ADAM21: variants seen among roughly 807,000 people sequenced by gnomAD.
ADAM21 encodes disintegrin and metalloproteinase domain-containing protein 21.
For missense variants in ADAM21, 678 were observed against 874.4 expected (o/e 0.78, Z 2.83); for synonymous variants, 262 against 306.0 (o/e 0.86, Z 1.50).
intron 1 of ADAM21, chr14:70,453,568 A>C (rs1456377416): frequency 6.6e-6 from 1 of 152,172 alleles, no homozygotes; most frequent in Non-Finnish European, 1.5e-5. Context: ...TTCTCCTGTT[A>C]TTGCCTGCTC....
Position 70,458,763 on chromosome 14 carries a change from T to C in ADAM21, c.1264T>C (p.Cys422Arg). The change falls in exon 2 of 2, where the codon TGT becomes CGT. Residue 422 changes from cysteine (C) to arginine (R), a missense_variant. Coordinates refer to ENST00000603540, the MANE Select transcript of ADAM21 (RefSeq NM_003813.4). ...GGTTGAAAGAGAAGAGCAGTGTGACTGTGGATCCGTACAGCAGTGTGAACA... is the reference window on the plus strand; with the variant it reads ...GGTTGAAAGAGAAGAGCAGTGTGACCGTGGATCCGTACAGCAGTGTGAACA... Reference protein sequence around the residue: ...GVVEREEQCDCGSVQQCEQDA... With the variant: ...GVVEREEQCDRGSVQQCEQDA... 6.2e-7 allele frequency: 1 copy of C among 1,614,176 alleles called. No individual in the cohort carries two copies. The highest frequency in any genetic ancestry group is 8.5e-7 in the Non-Finnish European group (1 of 1,180,028).
At chr14:70,456,637 T>C (rs576209323) in intron 1 of ADAM21, among the ~76,000 whole-genome samples, 18 of 152,340 alleles carry the variant, frequency 1.2e-4, no homozygotes, top group Admixed American at 6.5e-4. Flanking sequence ...CCTTAAATGA[T>C]GTCAGTGTTT....
intron 1 of ADAM21, among the ~76,000 whole-genome samples, chr14:70,455,731 A>C (rs568419879): frequency 5.3e-5 from 8 of 152,288 alleles, no homozygotes; most frequent in African/African-American, 1.9e-4. Flanking sequence ...GTTTAATAAA[A>C]ATTCATTTTG....
At chr14:70,456,467 A>G (rs1882411057) in intron 1 of ADAM21, among the ~76,000 whole-genome samples, 1 of 152,190 alleles carries the variant, frequency 6.6e-6, no homozygotes, top group Admixed American at 6.5e-5. Flanking sequence ...ATCCTAAAAT[A>G]CTAGACTCTA....
chr14:70,458,415 A>C lies in ADAM21; in HGVS notation c.916A>C (p.Ile306Leu). Residue 306 changes from isoleucine (I) to leucine (L), a missense_variant, in exon 2 of 2, where the codon ATA becomes CTA. By Grantham distance (5) the Ile-to-Leu change is conservative. Coordinates refer to ENST00000603540, the MANE Select transcript of ADAM21 (RefSeq NM_003813.4). ...HMFIKNSLIS[I>L]LGLAYVAGIC... ...GTTCATAAAAAATTCACTTATAAGT[A>C]TACTTGGCCTAGCCTATGTTGCAGG... 1.9e-6 allele frequency: 3 copies of C among 1,614,218 alleles called. No individual in the cohort carries two copies. Among genetic ancestry groups the C allele is most frequent in the Non-Finnish European group, 2.5e-6 (3 of 1,180,042 alleles).
In ADAM21 at chr14:70,459,500, TGGG is replaced by T. The variant is rs771793133; in HGVS notation, c.2004_2006del (p.Gly669del). The T allele has an allele frequency of 4.3e-6, 7 of 1,614,192 alleles. No individual in the cohort carries two copies. The highest frequency in any genetic ancestry group is 5.1e-6 in the Non-Finnish European group (6 of 1,180,032). ...CACCCTACTGCCAGCACAGAGGCTA[TGGG>T]GGCAGTATTGACAGTGGCCCAGCAT... On this transcript the variant is annotated inframe_deletion, in exon 2 of 2. Coordinates refer to ENST00000603540, the MANE Select transcript of ADAM21 (RefSeq NM_003813.4).
chr14:70,453,033 G>A (rs1889059967), intron 1 of ADAM21, among the ~76,000 whole-genome samples: 1 of 97,762 alleles, frequency 1.0e-5, no homozygotes, highest in Non-Finnish European at 2.3e-5. Flanking sequence ...CTTTGAATTT[G>A]GCGTGTGTGT....
At position 70,459,347 on chromosome 14, in the gene ADAM21, A is replaced by G. The variant is rs1406149870; in HGVS notation, c.1848A>G (p.Gly616=). 1.2e-6 allele frequency: 2 copies of G among 1,614,100 alleles called. No homozygotes were observed. The highest frequency in any genetic ancestry group is 3.3e-5 in the Admixed American group (2 of 60,002). ...EVKDGTVCGP[G]KICIHKKCVS... The stretch of plus-strand genomic sequence containing the variant: ...AAGATGGTACTGTGTGTGGCCCAGG[A>G]AAGATCTGCATCCATAAGAAGTGTG... Residue 616 remains glycine (G), a synonymous_variant, in exon 2 of 2, where the codon GGA becomes GGG. Transcript: ENST00000603540.
Position 70,457,334 on chromosome 14 carries a change from T to C in ADAM21, c.-151-15T>C. On this transcript the variant is annotated splice_polypyrimidine_tract_variant and intron_variant, in intron 1 of 1. Coordinates refer to ENST00000603540, the MANE Select transcript of ADAM21 (RefSeq NM_003813.4). ...TTATCACCTTTCCAACCCATCTTTTTATTTTTACTTCCAGCACTGCAGTTC... is the reference window on the plus strand; with the variant it reads ...TTATCACCTTTCCAACCCATCTTTTCATTTTTACTTCCAGCACTGCAGTTC... 9.8e-7 allele frequency: 1 copy of C among 1,018,308 alleles called. No individual in the cohort carries two copies. Among genetic ancestry groups the C allele is most frequent in the Admixed American group, 2.4e-5 (1 of 40,960 alleles). 63.1% of individuals were successfully genotyped at this position (1,018,308 alleles called of 1,614,324 possible).
In ADAM21 at chr14:70,458,318, A is replaced by G. The variant is rs200940423; in HGVS notation, c.819A>G (p.Glu273=). Residue 273 remains glutamate (E), a synonymous_variant, in exon 2 of 2, where the codon GAA becomes GAG. Coordinates refer to ENST00000603540, the MANE Select transcript of ADAM21 (RefSeq NM_003813.4). ...ATGTTTTCCCAATGACAAGCATAGA[A>G]CAGGTCCTGAACGATTTCTCTCAAT... ...QGNVFPMTSI[E]QVLNDFSQWK... is the part of the protein sequence containing the mutation. 1.3e-4 allele frequency: 213 copies of G among 1,614,164 alleles called. No individual in the cohort carries two copies. In the East Asian group the frequency reaches 3.6e-3, roughly 27 times the overall value.
Position 70,459,617 on chromosome 14 carries a change from T to C in ADAM21, c.2118T>C (p.Tyr706=), listed in dbSNP as rs1882495508. The C allele has an allele frequency of 6.2e-7, 1 of 1,614,078 alleles. No individual in the cohort carries two copies. The highest frequency in any genetic ancestry group is 1.7e-5 in the Admixed American group (1 of 60,002). The part of the protein sequence containing the change: ...TFLFTVGLLM[Y]LRQCSGPKET... The stretch of plus-strand genomic sequence containing the variant: ...TGTTTACTGTCGGGCTTCTTATGTA[T>C]CTACGACAATGTTCTGGTCCCAAAG... The change falls in exon 2 of 2, where the codon TAT becomes TAC. Residue 706 remains tyrosine, a synonymous_variant. Transcript: ENST00000603540.
chr14:70,453,607 T>A (rs1020312301), intron 1 of ADAM21: 2 of 152,188 alleles, frequency 1.3e-5, no homozygotes, highest in Non-Finnish European at 2.9e-5. Flanking sequence ...AAAAGAATAA[T>A]ATGACACAGG....
Position 70,458,816 on chromosome 14 carries a change from T to C in ADAM21, c.1317T>C (p.Thr439=). 5 of 1,614,220 alleles carry C rather than the reference T, an allele frequency of 3.1e-6. No individual in the cohort carries two copies. Among genetic ancestry groups the C allele is most frequent in the East Asian group, 2.2e-5 (1 of 44,884 alleles). Residue 439 remains threonine, a synonymous_variant, in exon 2 of 2, where the codon ACT becomes ACC. Coordinates refer to ENST00000603540, the MANE Select transcript of ADAM21 (RefSeq NM_003813.4). The part of the protein sequence containing the change: ...EQDACCLLNC[T]LRPGAACAFG... The stretch of plus-strand genomic sequence containing the variant: ...ACGCCTGTTGTCTGTTGAACTGCAC[T>C]CTAAGGCCTGGGGCTGCCTGTGCTT...
chr14:70,459,364 A>G lies in ADAM21; in HGVS notation c.1865A>G (p.Lys622Arg). 6.2e-7 allele frequency: 1 copy of G among 1,614,226 alleles called. No individual in the cohort carries two copies. The highest frequency in any genetic ancestry group is 8.5e-7 in the Non-Finnish European group (1 of 1,180,036). Reference protein sequence around the residue: ...VCGPGKICIHKKCVSLSVLSH... With the variant: ...VCGPGKICIHRKCVSLSVLSH... ...GGCCCAGGAAAGATCTGCATCCATAAGAAGTGTGTCAGTCTGTCTGTCTTG... is the reference window on the plus strand; with the variant it reads ...GGCCCAGGAAAGATCTGCATCCATAGGAAGTGTGTCAGTCTGTCTGTCTTG... Residue 622 changes from lysine to arginine, a missense_variant, in exon 2 of 2, where the codon AAG becomes AGG. Transcript: ENST00000603540.
chr14:70,459,331 CTG>C lies in ADAM21; in HGVS notation c.1839_1840del (p.Cys613TrpfsTer9). ...GACATTGGTGAAGTGAAAGATGGTA[CTG>C]TGTGTGGCCCAGGAAAGATCTGCAT... is the stretch of plus-strand genomic sequence containing the variant. On this transcript the variant is annotated frameshift_variant, in exon 2 of 2. Transcript: ENST00000603540. LOFTEE classifies it low-confidence loss of function (END_TRUNC). 1 of 1,614,164 alleles carries C rather than the reference CTG, an allele frequency of 6.2e-7. No homozygotes were observed. The highest frequency in any genetic ancestry group is 1.7e-5 in the Admixed American group (1 of 60,018).
intron 1 of ADAM21, among the ~76,000 whole-genome samples, chr14:70,452,677 T>A (rs73291970): frequency 1.2e-3 from 178 of 152,314 alleles, no homozygotes; most frequent in African/African-American, 4.2e-3. Context: ...GTTTTCATTT[T>A]TAAAGATATG....
chr14:70,454,795 G>C (rs1889083515), intron 1 of ADAM21, among the ~76,000 whole-genome samples: 1 of 152,142 alleles, frequency 6.6e-6, no homozygotes, highest in Non-Finnish European at 1.5e-5. Context: ...TTAAGTTGAG[G>C]GTAGGAATTT....
rs949349889 is a variant in ADAM21, at chr14:70,457,928, T to C, written c.429T>C (p.Tyr143=). The C allele has an allele frequency of 3.7e-6, 6 of 1,614,044 alleles. No individual in the cohort carries two copies. The highest frequency in any genetic ancestry group is 3.3e-5 in the Admixed American group (2 of 60,008). ...TATTAAAAATAAGTGGCCTCACTTA[T>C]GAAATTGAACCCATCAGGCACTCTG... is the stretch of plus-strand genomic sequence containing the variant. The part of the protein sequence containing the change: ...RGVLKISGLT[Y]EIEPIRHSAT... Residue 143 remains tyrosine (Y), a synonymous_variant, in exon 2 of 2, where the codon TAT becomes TAC. Coordinates refer to ENST00000603540, the MANE Select transcript of ADAM21 (RefSeq NM_003813.4).
At chr14:70,453,612 C>G (rs971434529) in intron 1 of ADAM21, 2 of 152,144 alleles carry the variant, frequency 1.3e-5, no homozygotes, top group Non-Finnish European at 2.9e-5. Context: ...AATAATATGA[C>G]ACAGGTTGGT....
Sources: allele counts gnomAD v4.1 joint callset (sites outside exome capture counted in the v4.1 genomes callset), GRCh38; gene constraint gnomAD v4.1.1; transcripts MANE v1.5; gene names NCBI Gene and HGNC (gene_info 2026-07-23, HGNC 2026-07-21).